MALAT1: variants seen among roughly 807,000 people sequenced by gnomAD.
The protein encoded by MALAT1 is metastasis associated lung adenocarcinoma transcript 1.
chr11:65,505,699 A>C (rs939206379), intron 3 of MALAT1: 1 of 519,020 alleles, frequency 1.9e-6, no homozygotes, highest in South Asian at 1.4e-5. Flanking sequence ...GGGTTGAACT[A>C]TGTTAGAAAA....
At chr11:65,502,325 T>G in exon 3 of MALAT1, 1 of 516,374 alleles carries the variant, frequency 1.9e-6, no homozygotes, top group Non-Finnish European at 3.9e-6. Context: ...CTATAGAAAC[T>G]GCAGAGCAAA....
chr11:65,501,819 A>G (rs780584147), exon 3 of MALAT1: 1 of 517,994 alleles, frequency 1.9e-6, no homozygotes, highest in Non-Finnish European at 3.9e-6. Context: ...CAATAATGTG[A>G]CTTCTTAAAA....
exon 3 of MALAT1, chr11:65,499,249 A>T (rs375644009): frequency 2.0e-6 from 1 of 511,716 alleles, no homozygotes; most frequent in African/African-American, 1.9e-5. Flanking sequence ...AAATATGAAG[A>T]CTTAGAAGAG....
exon 3 of MALAT1, chr11:65,500,476 C>G (rs1404899959): frequency 1.9e-6 from 1 of 518,864 alleles, no homozygotes; most frequent in Non-Finnish European, 3.8e-6. Flanking sequence ...TTTGATGAAG[C>G]TAGGACTGAG....
At chr11:65,504,789 C>T (rs372903040) in intron 3 of MALAT1, 31 of 518,882 alleles carry the variant, frequency 6.0e-5, no homozygotes, top group Non-Finnish European at 1.0e-4. Flanking sequence ...GTTTCTCTCT[C>T]CCCTCCCTTG....
At chr11:65,505,682 C>T (rs753309328) in intron 3 of MALAT1, 7 of 518,860 alleles carry the variant, frequency 1.3e-5, no homozygotes, top group East Asian at 5.4e-5. Flanking sequence ...GTGTCGAGGT[C>T]TTTGGTGGGT....
exon 4 of MALAT1, chr11:65,506,307 T>G (rs1416208372): frequency 2.2e-6 from 1 of 464,030 alleles, no homozygotes; most frequent in Admixed American, 2.7e-5. Flanking sequence ...ATCCTTGATG[T>G]ATAATTTGTC....
exon 3 of MALAT1, chr11:65,501,081 C>T (rs1371284343): frequency 2.0e-6 from 1 of 512,194 alleles, no homozygotes; most frequent in Non-Finnish European, 3.9e-6. Context: ...TTCAGCAAAT[C>T]TGTAAGCAGT....
At chr11:65,502,429 T>G (rs901753588) in exon 3 of MALAT1, 4 of 504,094 alleles carry the variant, frequency 7.9e-6, no homozygotes, top group Non-Finnish European at 1.6e-5. Context: ...TAAGCAAGTT[T>G]TTTTTTAGTG....
chr11:65,500,839 A>G (rs768801849), exon 3 of MALAT1: 7 of 518,782 alleles, frequency 1.3e-5, no homozygotes, highest in East Asian at 1.1e-4. Flanking sequence ...ATTTTCTAAT[A>G]TAATGGGGGA....
chr11:65,506,365 T>C lies in MALAT1; in HGVS notation n.5274T>C, dbSNP rs188930011. The C allele has an allele frequency of 1.6e-5, 7 of 448,494 alleles. 1 individual carries two copies. The Middle Eastern group carries it at 1.8e-3, about 116-fold the overall frequency. 27.8% of individuals were successfully genotyped at this position (448,494 alleles called of 1,614,324 possible). ...TTCATATTTACACGAGAACCTAATA[T>C]AACTGCCTTGTCTTTTTCAGGTAAT... is the stretch of plus-strand genomic sequence containing the variant. On this transcript the variant is annotated non_coding_transcript_exon_variant, in exon 4 of 4. Transcript: ENST00000619449.
chr11:65,505,833 T>C (rs1214599987), intron 3 of MALAT1: 1 of 490,138 alleles, frequency 2.0e-6, no homozygotes, highest in Admixed American at 2.1e-5. Flanking sequence ...AATAACATGT[T>C]CAAGAACTGT....
At chr11:65,501,125 G>A (rs770086432) in exon 3 of MALAT1, 1 of 514,650 alleles carries the variant, frequency 1.9e-6, no homozygotes, top group Non-Finnish European at 3.9e-6. Context: ...AAGTATTTCA[G>A]TTTTGTGAAT....
chr11:65,501,057 C>T (rs12791523), exon 3 of MALAT1: 2 of 508,892 alleles, frequency 3.9e-6, no homozygotes, highest in Non-Finnish European at 7.8e-6. Flanking sequence ...ATTTGATAGC[C>T]AAATTGAGAC....
In MALAT1 at chr11:65,505,717, A is replaced by G. The variant is rs778151681; in HGVS notation, n.5169-543A>G. The G allele has an allele frequency of 2.1e-5, 11 of 518,894 alleles. No individual in the cohort carries two copies. The East Asian group carries it at 6.0e-4, about 28-fold the overall frequency. 32.1% of individuals were successfully genotyped at this position (518,894 alleles called of 1,614,324 possible). ...TTGAACTATGTTAGAAAAGGCCATT[A>G]ATTTGCCTGCAAATTGTTAACAGAA... On this transcript the variant is annotated intron_variant and non_coding_transcript_variant, in intron 3 of 3. Transcript: ENST00000619449.
exon 3 of MALAT1, chr11:65,503,839 A>G (rs745628899): frequency 1.9e-6 from 1 of 518,308 alleles, no homozygotes; most frequent in Non-Finnish European, 3.9e-6. Context: ...AGTGATGAGC[A>G]TATAATAATT....
exon 3 of MALAT1, chr11:65,501,073 C>T (rs968860855): frequency 2.0e-6 from 1 of 509,996 alleles, no homozygotes; most frequent in East Asian, 5.5e-5. Context: ...GAGACAATTT[C>T]AGCAAATCTG....
At chr11:65,505,390 C>T (rs776033115) in intron 3 of MALAT1, 2 of 516,588 alleles carry the variant, frequency 3.9e-6, no homozygotes, top group Non-Finnish European at 7.7e-6. Context: ...CCCTGGGCTT[C>T]TCTTAACATT....
exon 3 of MALAT1, chr11:65,501,301 A>C (rs778359470): frequency 3.9e-6 from 2 of 518,502 alleles, no homozygotes; most frequent in African/African-American, 3.9e-5. Flanking sequence ...CCTAAAGGCA[A>C]ATGACTCAAG....
Sources: allele counts gnomAD v4.1 joint callset, GRCh38; gene constraint gnomAD v4.1.1; transcripts MANE v1.5; gene names NCBI Gene and HGNC (gene_info 2026-07-23, HGNC 2026-07-21).